Variants in LUZP2 observed in about 807,000 individuals in gnomAD.
LUZP2 encodes leucine zipper protein 2.
Under a neutral mutation model 51.6 loss-of-function variants are expected in LUZP2, and 52 were observed. The observed-to-expected ratio is 1.01, with a 90% CI of 0.81 to 1.27. The LOEUF (loss-of-function observed/expected upper bound fraction) is 1.27. Ranked by LOEUF, LUZP2 falls within the 50% of genes most tolerant of loss-of-function variation. The pLI is 0.00. For synonymous variants in LUZP2, 154 were observed against 137.3 expected (o/e 1.12, Z -0.85); for missense variants, 436 against 395.4 (o/e 1.10, Z -0.87).
chr11:24,539,871 C>T (rs1024663712), intron 1 of LUZP2, among the ~76,000 whole-genome samples: 1 of 152,018 alleles, frequency 6.6e-6, no homozygotes, highest in African/African-American at 2.4e-5. Flanking sequence ...CTGTATCTGA[C>T]ACATATTAAA....
chr11:24,794,873 T>C (rs1012712720), intron 5 of LUZP2, among the ~76,000 whole-genome samples: 1 of 152,170 alleles, frequency 6.6e-6, no homozygotes, highest in South Asian at 2.1e-4. Context: ...ATAACCTTGT[T>C]AACAAGGTAG....
chr11:24,590,451 T>A (rs1426148276), intron 1 of LUZP2, among the ~76,000 whole-genome samples: 1 of 152,190 alleles, frequency 6.6e-6, no homozygotes, highest in Non-Finnish European at 1.5e-5. Context: ...CTAGCAATTT[T>A]GTTGCATATC....
intron 1 of LUZP2, among the ~76,000 whole-genome samples, chr11:24,728,909 G>A (rs768265131): frequency 3.9e-5 from 6 of 151,942 alleles, no homozygotes; most frequent in Admixed American, 3.3e-4. Flanking sequence ...CTTACATGCA[G>A]CAGGGAAGAC....
At chr11:24,534,357 A>G (rs1331483002) in intron 1 of LUZP2, among the ~76,000 whole-genome samples, 1 of 151,294 alleles carries the variant, frequency 6.6e-6, no homozygotes, top group Non-Finnish European at 1.5e-5. Flanking sequence ...AGCTCTTTCT[A>G]TATATTTACA....
intron 1 of LUZP2, among the ~76,000 whole-genome samples, chr11:24,654,305 C>T (rs1330852660): frequency 1.3e-5 from 2 of 152,134 alleles, no homozygotes; most frequent in African/African-American, 4.8e-5. Context: ...ATAAAATGTT[C>T]TGTTAAATAT....
rs142572550 is a variant in LUZP2 at position 25,011,883 on chromosome 11, A to G, written c.765+28590A>G. 1.4e-3 allele frequency among the ~76,000 whole-genome samples: 206 copies of G among 151,678 alleles called. 2 individuals carry two copies. The East Asian group carries it at 0.03, about 22-fold the overall frequency. On this transcript the variant is annotated intron_variant, in intron 9 of 11. Coordinates refer to ENST00000336930, the MANE Select transcript of LUZP2 (RefSeq NM_001009909.4). Reference sequence around the variant, plus strand: ...CTAGAGAGAGAATATATATGTTTTTATTTTAAAATTTAATATATATATTTT... The same window carrying G: ...CTAGAGAGAGAATATATATGTTTTTGTTTTAAAATTTAATATATATATTTT...
intron 6 of LUZP2, among the ~76,000 whole-genome samples, chr11:24,908,898 G>A (rs1853543392): frequency 2.0e-5 from 3 of 151,226 alleles, no homozygotes; most frequent in African/African-American, 4.9e-5. Flanking sequence ...TGGGACTATC[G>A]GACTATTAGC....
At chr11:24,724,496 A>G (rs1429138209) in intron 1 of LUZP2, among the ~76,000 whole-genome samples, 3 of 152,146 alleles carry the variant, frequency 2.0e-5, no homozygotes, top group Non-Finnish European at 4.4e-5. Context: ...GGTTTGAGCC[A>G]AGAAGCAGAG....
chr11:24,780,203 G>T (rs1849049104), intron 5 of LUZP2, among the ~76,000 whole-genome samples: 1 of 152,058 alleles, frequency 6.6e-6, no homozygotes, highest in Admixed American at 6.6e-5. Flanking sequence ...TTATGATGGT[G>T]GATTCCATTT....
intron 9 of LUZP2, among the ~76,000 whole-genome samples, chr11:25,048,412 G>C (rs1858387094): frequency 6.6e-6 from 1 of 152,024 alleles, no homozygotes; most frequent in African/African-American, 2.4e-5. Context: ...AGTCTGTTCT[G>C]CCTCCCTGCA....
chr11:24,693,423 A>G (rs1233650185), intron 1 of LUZP2, among the ~76,000 whole-genome samples: 1 of 151,730 alleles, frequency 6.6e-6, no homozygotes, highest in African/African-American at 2.4e-5. Flanking sequence ...TCAATATATG[A>G]TTTAAGAGAT....
At chr11:24,686,040 C>T (rs146661746) in intron 1 of LUZP2, among the ~76,000 whole-genome samples, 70 of 152,190 alleles carry the variant, frequency 4.6e-4, no homozygotes, top group Non-Finnish European at 8.1e-4. Flanking sequence ...CTCAAATTTA[C>T]GAAATCATTT....
intron 1 of LUZP2, among the ~76,000 whole-genome samples, chr11:24,510,723 AAATATT>A (rs1850282528): frequency 6.6e-6 from 1 of 152,218 alleles, no homozygotes; most frequent in Non-Finnish European, 1.5e-5. Flanking sequence ...ATAAAGAATA[AAATATT>A]AATATTATCT....
chr11:24,682,612 A>C (rs1856776007), intron 1 of LUZP2, among the ~76,000 whole-genome samples: 1 of 144,350 alleles, frequency 6.9e-6, no homozygotes, highest in Admixed American at 7.0e-5. Flanking sequence ...ATATATGTGT[A>C]TGTGTATATA....
At chr11:24,845,722 A>AT (rs1851177957) in intron 5 of LUZP2, among the ~76,000 whole-genome samples, 1 of 151,708 alleles carries the variant, frequency 6.6e-6, no homozygotes, top group African/African-American at 2.4e-5. Context: ...GTTTTAAAAA[A>AT]CAGGAGTTTT....
chr11:25,034,382 T>G (rs1857787327), intron 9 of LUZP2, among the ~76,000 whole-genome samples: 1 of 152,090 alleles, frequency 6.6e-6, no homozygotes, highest in Admixed American at 6.6e-5. Context: ...TTGTCTGTTT[T>G]GTTGATAGTT....
At chr11:24,699,733 T>C (rs1857366788) in intron 1 of LUZP2, among the ~76,000 whole-genome samples, 3 of 146,908 alleles carry the variant, frequency 2.0e-5, no homozygotes, top group Admixed American at 6.9e-5. Context: ...AGGTGCTATA[T>C]ATATTTATAC....
intron 7 of LUZP2, among the ~76,000 whole-genome samples, chr11:24,935,299 T>G (rs772165094): frequency 2.4e-4 from 36 of 152,180 alleles, no homozygotes; most frequent in Non-Finnish European, 4.3e-4. Flanking sequence ...TGAACAGTGA[T>G]GCAATCATGA....
intron 1 of LUZP2, among the ~76,000 whole-genome samples, chr11:24,717,900 C>G (rs1381620547): frequency 2.0e-5 from 3 of 151,932 alleles, no homozygotes; most frequent in Non-Finnish European, 4.4e-5. Flanking sequence ...CAGCTCCATC[C>G]AAGTTCCCAT....
Sources: allele counts gnomAD v4.1 joint callset (sites outside exome capture counted in the v4.1 genomes callset), GRCh38; gene constraint gnomAD v4.1.1; transcripts MANE v1.5; gene names NCBI Gene and HGNC (gene_info 2026-07-23, HGNC 2026-07-21).